SRRM2: variants seen among roughly 807,000 people sequenced by gnomAD.
The protein encoded by SRRM2 is serine/arginine repetitive matrix 2.
Under a neutral mutation model 213.8 loss-of-function variants are expected in SRRM2, and 30 were observed. The ratio of observed to expected loss-of-function variants is 0.14; its 90% CI spans 0.10 to 0.19. SRRM2 has a LOEUF of 0.19. Among genes scored for constraint, SRRM2 ranks in the 10% least tolerant of loss-of-function variants. SRRM2 has a pLI of 1.00. For synonymous variants in SRRM2, 2,025 were observed against 1,377.7 expected (o/e 1.47, Z -10.40); for missense variants, 4,904 against 3,647.0 (o/e 1.34, Z -8.88).
Position 2,767,612 on chromosome 16 carries a change from G to A in SRRM2, c.7084G>A (p.Ala2362Thr). 6.2e-7 allele frequency: 1 copy of A among 1,614,116 alleles called. No homozygotes were observed. The highest frequency in any genetic ancestry group is 8.5e-7 in the Non-Finnish European group (1 of 1,180,030). Residue 2362 changes from alanine to threonine, a missense_variant, in exon 11 of 15, where the codon GCC (alanine) becomes ACC (threonine). Ala to Thr is a moderately conservative substitution (Grantham distance 58). Coordinates refer to ENST00000301740, the MANE Select transcript of SRRM2 (RefSeq NM_016333.4). ...IAGSRTAAAL[A>T]PASLTSARMA... ...CGGCTCCAGAACCGCCGCAGCCTTGGCCCCCGCGAGCCTCACCAGTGCTAG... is the reference window on the plus strand; with the variant it reads ...CGGCTCCAGAACCGCCGCAGCCTTGACCCCCGCGAGCCTCACCAGTGCTAG...
At position 2,762,814 on chromosome 16, in the gene SRRM2, C is replaced by G. The variant is rs758899562; in HGVS notation, c.2286C>G (p.Leu762=). Residue 762 remains leucine (L), a synonymous_variant, in exon 11 of 15, where the codon CTC becomes CTG. Coordinates refer to ENST00000301740, the MANE Select transcript of SRRM2 (RefSeq NM_016333.4). ...SRISSRRSRS[L]SSPRSKAKSR... ...TTTCTTCAAGGCGGAGCAGGTCTCT[C>G]TCTTCACCACGGTCCAAAGCAAAAT... The G allele has an allele frequency of 2.5e-6, 4 of 1,614,090 alleles. No homozygotes were observed. The highest frequency in any genetic ancestry group is 2.2e-5 in the East Asian group (1 of 44,904).
At chr16:2,757,094 A>G (rs1458645539) in intron 2 of SRRM2, among the ~76,000 whole-genome samples, 3 of 152,200 alleles carry the variant, frequency 2.0e-5, no homozygotes, top group Non-Finnish European at 2.9e-5. Context: ...ATTAAGGCAG[A>G]AAACTCTTTT....
In SRRM2 at chr16:2,757,542, C is replaced by T. The variant is rs766588685; in HGVS notation, c.313C>T (p.Pro105Ser). ...RLMLLEKDVN[P>S]GGKEETPGQR... ...CATGTTGCTGGAGAAGGATGTGAAC[C>T]CTGGGGGCAAGGAGGAGACCCCAGG... Residue 105 changes from proline to serine, a missense_variant, in exon 3 of 15, where the codon CCT becomes TCT. Coordinates refer to ENST00000301740, the MANE Select transcript of SRRM2 (RefSeq NM_016333.4). The T allele has an allele frequency of 7.4e-6, 12 of 1,613,830 alleles. No homozygotes were observed. In the Admixed American group the frequency reaches 1.8e-4, roughly 25 times the overall value.
chr16:2,758,741 T>A lies in SRRM2; in HGVS notation c.593+194T>A, dbSNP rs1009900747. 25 of 676,748 alleles carry A rather than the reference T, an allele frequency of 3.7e-5. No individual in the cohort carries two copies. In the African/African-American group the frequency reaches 3.8e-4, roughly 10 times the overall value. The allele number at this position is 676,748 out of a possible 1,614,324, so 41.9% of individuals were successfully genotyped here. On this transcript the variant is annotated intron_variant, in intron 5 of 14. Coordinates refer to ENST00000301740, the MANE Select transcript of SRRM2 (RefSeq NM_016333.4). The stretch of plus-strand genomic sequence containing the variant: ...GGAAGTGTTGAGTTTGCAGTTCTGC[T>A]AATTAAGATTGGCCAGCAGCATTTT...
rs764672130 is a variant in SRRM2 at position 2,763,680 on chromosome 16, G to A, written c.3152G>A (p.Gly1051Asp). The change falls in exon 11 of 15, where the codon GGT (glycine) becomes GAT (aspartate). Residue 1051 changes from glycine (G) to aspartate (D), a missense_variant. By Grantham distance (94) the Gly-to-Asp change is moderately conservative. Coordinates refer to ENST00000301740, the MANE Select transcript of SRRM2 (RefSeq NM_016333.4). ...SSTPPGESYF[G>D]VSSLQLKGQS... is the part of the protein sequence containing the mutation. ...ACACCACCAGGCGAGAGCTATTTTGGTGTCTCATCTCTGCAACTGAAAGGA... is the reference window on the plus strand; with the variant it reads ...ACACCACCAGGCGAGAGCTATTTTGATGTCTCATCTCTGCAACTGAAAGGA... The A allele has an allele frequency of 2.5e-6, 4 of 1,614,156 alleles. No homozygotes were observed. Among genetic ancestry groups the A allele is most frequent in the Non-Finnish European group, 3.4e-6 (4 of 1,180,040 alleles).
At position 2,759,317 on chromosome 16, in the gene SRRM2, G is replaced by A. The variant is rs751224645; in HGVS notation, c.690-35G>A. On this transcript the variant is annotated intron_variant, in intron 7 of 14. Transcript: ENST00000301740. ...TTTTGGTTTTATTTCCTTTTTTAAA[G>A]AAGTTACTTTTAACAACCTTTCCTT... 4 of 1,609,702 alleles carry A rather than the reference G, an allele frequency of 2.5e-6. No individual in the cohort carries two copies. In the South Asian group the frequency reaches 3.3e-5, roughly 13 times the overall value.
In SRRM2 at chr16:2,760,391, G is replaced by T; in HGVS notation, c.924G>T (p.Ala308=). Residue 308 remains alanine (A), a synonymous_variant, in exon 10 of 15, where the codon GCG becomes GCT. Transcript: ENST00000301740. ...CAGGGCGACGCGGGGAGGGAGATGC[G>T]CCTTTCAGTGAACCAGGTACTACCA... is the stretch of plus-strand genomic sequence containing the variant. ...PASGRRGEGD[A]PFSEPGTTST... is the part of the protein sequence containing the mutation. 6.2e-7 allele frequency: 1 copy of T among 1,614,152 alleles called. No homozygotes were observed. The highest frequency in any genetic ancestry group is 1.1e-5 in the South Asian group (1 of 91,082).
chr16:2,770,550 TGTGGTGCCTGAG>T (rs770679320), intron 13 of SRRM2, 42 bp from the exon 14 acceptor site: 29 of 1,552,320 alleles, frequency 1.9e-5, no homozygotes, highest in East Asian at 1.7e-4. Context: ...GTTGTGGCTA[TGTGGTGCCTGAG>T]GTGGTGCCAC....
chr16:2,756,375 G>C lies in SRRM2; in HGVS notation c.11G>C (p.Gly4Ala). The C allele has an allele frequency of 6.2e-7, 1 of 1,604,840 alleles. No individual in the cohort carries two copies. The highest frequency in any genetic ancestry group is 8.5e-7 in the Non-Finnish European group (1 of 1,177,298). MYN[G>A]IGLPTPRGSG... Reference sequence around the variant, plus strand: ...CCCGGGCACGGGGCCATGTACAACGGGATCGGGCTGCCGACGCCCCGGGGC... The same window carrying C: ...CCCGGGCACGGGGCCATGTACAACGCGATCGGGCTGCCGACGCCCCGGGGC... Residue 4 changes from glycine (G) to alanine (A), a missense_variant, in exon 2 of 15, where the codon GGG (glycine) becomes GCG (alanine). Gly to Ala is a moderately conservative substitution (Grantham distance 60, BLOSUM62 0). Coordinates refer to ENST00000301740, the MANE Select transcript of SRRM2 (RefSeq NM_016333.4).
Position 2,767,644 on chromosome 16 carries a change from T to G in SRRM2, c.7116T>G (p.Ala2372=). The G allele has an allele frequency of 1.2e-6, 2 of 1,614,086 alleles. No individual in the cohort carries two copies. Among genetic ancestry groups the G allele is most frequent in the Non-Finnish European group, 1.7e-6 (2 of 1,179,998 alleles). ...CGAGCCTCACCAGTGCTAGGATGGC[T>G]CCAGCATTGTCTGGTGCAAACCTCA... ...APASLTSARM[A]PALSGANLTS... Residue 2372 remains alanine (A), a synonymous_variant, in exon 11 of 15, where the codon GCT becomes GCG. Transcript: ENST00000301740.
In SRRM2 at chr16:2,756,394, C is replaced by T. The variant is rs771315193; in HGVS notation, c.30C>T (p.Pro10=). ...ACAACGGGATCGGGCTGCCGACGCC[C>T]CGGGGCAGCGGCACCAACGGCTACG... is the stretch of plus-strand genomic sequence containing the variant. MYNGIGLPT[P]RGSGTNGYVQ... Residue 10 remains proline, a synonymous_variant, in exon 2 of 15, where the codon CCC becomes CCT. Transcript: ENST00000301740. The T allele has an allele frequency of 6.2e-7, 1 of 1,608,170 alleles. No homozygotes were observed. Among genetic ancestry groups the T allele is most frequent in the African/African-American group, 1.3e-5 (1 of 74,892 alleles).
In SRRM2 at chr16:2,761,496, C is replaced by A. The variant is rs997395270; in HGVS notation, c.1033-65C>A. 4 of 1,359,070 alleles carry A rather than the reference C, an allele frequency of 2.9e-6. No individual in the cohort carries two copies. The African/African-American group carries it at 5.9e-5, about 20-fold the overall frequency. 84.2% of individuals were successfully genotyped at this position (1,359,070 alleles called of 1,614,324 possible). A position where few individuals can be genotyped will look rare whatever the true frequency, so the allele number is the denominator to read the frequency against. On this transcript the variant is annotated intron_variant, in intron 10 of 14. Coordinates refer to ENST00000301740, the MANE Select transcript of SRRM2 (RefSeq NM_016333.4). ...TTATCATTGGAAAGGGTGTTGGGAT[C>A]TTAGGGGTGATGTGAAGTTTTGGCG...
chr16:2,770,164 T>G, intron 12 of SRRM2, 188 bp from the exon 13 acceptor site: 1 of 1,439,510 alleles, frequency 6.9e-7, no homozygotes, highest in South Asian at 1.5e-5. Context: ...CGCTGCACCC[T>G]GTGCCTGCCC....
chr16:2,770,618 G>C lies in SRRM2; in HGVS notation c.8150G>C (p.Arg2717Pro), dbSNP rs1455404504. 12 of 1,552,916 alleles carry C rather than the reference G, an allele frequency of 7.7e-6. No homozygotes were observed. Among genetic ancestry groups the C allele is most frequent in the Admixed American group, 2.0e-5 (1 of 51,252 alleles). ...PRDQQSSSSE[R>P]GSRRGQRGDS... is the part of the protein sequence containing the mutation. ...CTGTGTTGCAGCAGCAGCAGTGAGCGGGGTTCCCGGAGAGGCCAGCGTGGG... is the reference window on the plus strand; with the variant it reads ...CTGTGTTGCAGCAGCAGCAGTGAGCCGGGTTCCCGGAGAGGCCAGCGTGGG... Residue 2717 changes from arginine to proline, a missense_variant, in exon 14 of 15, where the codon CGG (arginine) becomes CCG (proline). Physicochemically the swap from Arg to Pro is moderately radical, Grantham distance 103. Transcript: ENST00000301740.
chr16:2,765,715 A>C lies in SRRM2; in HGVS notation c.5187A>C (p.Ser1729=), dbSNP rs1388702621. ...RTPPRHRRSP[S]VSSPEPAEKS... is the part of the protein sequence containing the mutation. ...CCCCAAGGCACCGGAGAAGTCCCTCAGTGTCTTCCCCGGAGCCAGCCGAAA... is the reference window on the plus strand; with the variant it reads ...CCCCAAGGCACCGGAGAAGTCCCTCCGTGTCTTCCCCGGAGCCAGCCGAAA... The change falls in exon 11 of 15, where the codon TCA becomes TCC. Residue 1729 remains serine, a synonymous_variant. Coordinates refer to ENST00000301740, the MANE Select transcript of SRRM2 (RefSeq NM_016333.4). 6.2e-7 allele frequency: 1 copy of C among 1,614,146 alleles called. No homozygotes were observed. Among genetic ancestry groups the C allele is most frequent in the African/African-American group, 1.3e-5 (1 of 75,048 alleles).
At chr16:2,755,289 T>G (rs186234638) in intron 1 of SRRM2, among the ~76,000 whole-genome samples, 1 of 152,228 alleles carries the variant, frequency 6.6e-6, no homozygotes, top group East Asian at 1.9e-4. Flanking sequence ...GGCATGGGGT[T>G]AACACAGGAG....
rs903517644 is a variant in SRRM2, at chr16:2,761,173, C to T, written c.1033-388C>T. Among the ~76,000 whole-genome samples, 6 of 152,354 alleles carry T rather than the reference C, an allele frequency of 3.9e-5. No individual in the cohort carries two copies. The South Asian group carries it at 6.2e-4, about 16-fold the overall frequency. On this transcript the variant is annotated intron_variant, in intron 10 of 14. Coordinates refer to ENST00000301740, the MANE Select transcript of SRRM2 (RefSeq NM_016333.4). ...CTTCACACAAATCATGTTCTCACATCTTTATTCATGCTGTTTCTTTTCGTT... is the reference window on the plus strand; with the variant it reads ...CTTCACACAAATCATGTTCTCACATTTTTATTCATGCTGTTTCTTTTCGTT...
chr16:2,763,499 G>A lies in SRRM2; in HGVS notation c.2971G>A (p.Gly991Arg). The change falls in exon 11 of 15, where the codon GGG becomes AGG. Residue 991 changes from glycine (G) to arginine (R), a missense_variant. Gly to Arg is a moderately radical substitution (Grantham distance 125). Transcript: ENST00000301740. ...AACACCGCCAAGACAAAGTCACTCA[G>A]GGTCTATTTCACCATACCCCAAAGT... ...PETPPRQSHS[G>R]SISPYPKVKA... 6.2e-7 allele frequency: 1 copy of A among 1,614,144 alleles called. No homozygotes were observed. Among genetic ancestry groups the A allele is most frequent in the East Asian group, 2.2e-5 (1 of 44,886 alleles).
rs1315076930 is a variant in SRRM2 at position 2,762,804 on chromosome 16, G to T, written c.2276G>T (p.Ser759Ile). 4 of 1,614,162 alleles carry T rather than the reference G, an allele frequency of 2.5e-6. No individual in the cohort carries two copies. The highest frequency in any genetic ancestry group is 3.4e-6 in the Non-Finnish European group (4 of 1,180,026). Residue 759 changes from serine to isoleucine, a missense_variant, in exon 11 of 15, where the codon AGC becomes ATC. Transcript: ENST00000301740. ...MKKSRISSRR[S>I]RSLSSPRSKA... ...AAATCTCGCATTTCTTCAAGGCGGA[G>T]CAGGTCTCTCTCTTCACCACGGTCC...
Sources: allele counts gnomAD v4.1 joint callset (sites outside exome capture counted in the v4.1 genomes callset), GRCh38; gene constraint gnomAD v4.1.1; transcripts MANE v1.5; gene names NCBI Gene and HGNC (gene_info 2026-07-23, HGNC 2026-07-21).